Variants in ENPP2 observed in about 807,000 individuals in gnomAD.
ENPP2 encodes ectonucleotide pyrophosphatase/phosphodiesterase 2.
Under a neutral mutation model 120.2 loss-of-function variants are expected in ENPP2, and 51 were observed. That is an observed-to-expected ratio of 0.42 (90% CI 0.34 to 0.54). The LOEUF (loss-of-function observed/expected upper bound fraction) is 0.54. ENPP2 is among the 20% of genes least tolerant of loss of function. ENPP2 has a pLI of 0.04. For synonymous variants in ENPP2, 365 were observed against 366.4 expected (o/e 1.00, Z 0.04); for missense variants, 920 against 1,066.5 (o/e 0.86, Z 1.91).
intron 3 of ENPP2, among the ~76,000 whole-genome samples, chr8:119,625,927 C>A (rs1363254139): frequency 2.0e-5 from 3 of 152,132 alleles, no homozygotes. Context: ...GCGTGAGACT[C>A]CAAACAGAAT....
intron 1 of ENPP2, among the ~76,000 whole-genome samples, chr8:119,652,527 T>C (rs1817655706): frequency 7.0e-6 from 1 of 142,052 alleles, no homozygotes; most frequent in Admixed American, 6.7e-5. Context: ...ATTGTCATTA[T>C]GCACATGAGA....
At position 119,656,144 on chromosome 8, in the gene ENPP2, TA is replaced by T. The variant is rs147780206; in HGVS notation, c.21+17107del. On this transcript the variant is annotated intron_variant, in intron 1 of 25. Transcript: ENST00000427067. ...ACTTGTAGCCTATGGCCTCATGTAA[TA>T]AAATATTTTGCAAAAGATGATGTTT... Among the ~76,000 whole-genome samples, 1,039 of 152,332 alleles carry T rather than the reference TA, an allele frequency of 6.8e-3. 7 individuals carry two copies. Among genetic ancestry groups the T allele is most frequent in the African/African-American group, 0.024 (1,005 of 41,572 alleles).
At chr8:119,671,073 G>C (rs565449917) in intron 1 of ENPP2, among the ~76,000 whole-genome samples, 2 of 150,416 alleles carry the variant, frequency 1.3e-5, no homozygotes, top group East Asian at 3.9e-4. Flanking sequence ...GATCACTTGA[G>C]GTCAAGAGTT....
At chr8:119,622,633 G>A (rs997499192) in intron 3 of ENPP2, among the ~76,000 whole-genome samples, 3 of 152,218 alleles carry the variant, frequency 2.0e-5, no homozygotes, top group Non-Finnish European at 4.4e-5. Context: ...GTGGCAGACT[G>A]TAAGCCTGGG....
At chr8:119,671,747 C>A (rs1319075722) in intron 1 of ENPP2, among the ~76,000 whole-genome samples, 1 of 152,092 alleles carries the variant, frequency 6.6e-6, no homozygotes, top group African/African-American at 2.4e-5. Context: ...TTGGGAGACA[C>A]CATGTATATG....
chr8:119,638,358 C>T (rs1260634431), intron 2 of ENPP2, 67 bp downstream of exon 2: 4 of 809,788 alleles, frequency 4.9e-6, no homozygotes, highest in South Asian at 2.9e-5. Context: ...TTTTAATAAG[C>T]TTACATTGAT....
intron 13 of ENPP2, among the ~76,000 whole-genome samples, chr8:119,588,528 C>CA (rs58771451): frequency 0.011 from 775 of 67,660 alleles, 1 homozygote; most frequent in African/African-American, 0.014. Flanking sequence ...AACTCCGCCT[C>CA]AAAAAAAAAA....
chr8:119,582,675 C>T, intron 17 of ENPP2, 73 bp from the exon 18 acceptor site: 2 of 1,088,414 alleles, frequency 1.8e-6, no homozygotes, highest in Non-Finnish European at 2.8e-6. Flanking sequence ...ATTTAAAACC[C>T]TTCACCTTCT....
intron 1 of ENPP2, among the ~76,000 whole-genome samples, chr8:119,655,465 T>A (rs1278076696): frequency 1.3e-5 from 2 of 152,226 alleles, no homozygotes; most frequent in Non-Finnish European, 2.9e-5. Context: ...TTGTTTAGAA[T>A]CATGACTTGG....
chr8:119,602,451 C>G (rs942254192), intron 9 of ENPP2, among the ~76,000 whole-genome samples: 1 of 111,344 alleles, frequency 9.0e-6, no homozygotes, highest in Non-Finnish European at 1.7e-5. Flanking sequence ...GAGTGAAACT[C>G]TGTCTCAAAA....
intron 19 of ENPP2, among the ~76,000 whole-genome samples, chr8:119,579,685 A>G (rs941102110): frequency 1.3e-5 from 2 of 151,662 alleles, no homozygotes; most frequent in African/African-American, 2.4e-5. Context: ...GGGAGTTCTG[A>G]TTTGATTCCT....
intron 1 of ENPP2, among the ~76,000 whole-genome samples, chr8:119,668,141 T>C (rs1818128852): frequency 6.6e-6 from 1 of 152,190 alleles, no homozygotes; most frequent in South Asian, 2.1e-4. Context: ...AAAGCAAGTA[T>C]AATATTGAAT....
chr8:119,620,020 C>T (rs1815773487), intron 4 of ENPP2, among the ~76,000 whole-genome samples: 1 of 152,154 alleles, frequency 6.6e-6, no homozygotes, highest in Non-Finnish European at 1.5e-5. Context: ...GTAACCAACA[C>T]ATTGGAGAAA....
chr8:119,623,245 C>T lies in ENPP2; in HGVS notation c.293-1726G>A, dbSNP rs375561315. Among the ~76,000 whole-genome samples, 34 of 152,116 alleles carry T rather than the reference C, an allele frequency of 2.2e-4. 1 individual carries two copies. The highest frequency in any genetic ancestry group is 7.2e-4 in the African/African-American group (30 of 41,518). Reference sequence around the variant, plus strand: ...CTTTGGGAGGCCGAGGCAGGTGGATCGTGAGGTCAGGAGTTCGAGACCAGC... The same window carrying T: ...CTTTGGGAGGCCGAGGCAGGTGGATTGTGAGGTCAGGAGTTCGAGACCAGC... On this transcript the variant is annotated intron_variant, in intron 3 of 24. Transcript: ENST00000075322.
Position 119,587,025 on chromosome 8 carries a change from G to A in ENPP2, c.1239+19C>T. 1.2e-6 allele frequency: 2 copies of A among 1,607,412 alleles called. No individual in the cohort carries two copies. The highest frequency in any genetic ancestry group is 1.1e-5 in the South Asian group (1 of 89,210). On this transcript the variant is annotated intron_variant, in intron 14 of 24. Coordinates refer to ENST00000075322, the MANE Select transcript of ENPP2 (RefSeq NM_001040092.3). ...AGAGGCCTGGGCAGGGCAGAGGCGG[G>A]ACAACTGGAAACACTTACCGTGAGA...
In ENPP2 at chr8:119,613,941, G is replaced by A. The variant is rs541726495; in HGVS notation, c.777+2324C>T. 2.6e-5 allele frequency among the ~76,000 whole-genome samples: 4 copies of A among 151,176 alleles called. No homozygotes were observed. In the East Asian group the frequency reaches 5.8e-4, roughly 22 times the overall value. On this transcript the variant is annotated intron_variant, in intron 8 of 24. Transcript: ENST00000075322. ...TGTTATTTGCTATAGTCACCCTACTGTATAATAGAACACCCTACTGTATAA... is the reference window on the plus strand; with the variant it reads ...TGTTATTTGCTATAGTCACCCTACTATATAATAGAACACCCTACTGTATAA...
chr8:119,664,547 T>C (rs755441656), intron 1 of ENPP2, among the ~76,000 whole-genome samples: 2 of 152,230 alleles, frequency 1.3e-5, no homozygotes, highest in African/African-American at 4.8e-5. Flanking sequence ...GAAATAATGT[T>C]GTACTGAGTG....
chr8:119,579,750 C>T (rs896726048), intron 19 of ENPP2, among the ~76,000 whole-genome samples: 4 of 152,006 alleles, frequency 2.6e-5, no homozygotes, highest in Admixed American at 6.6e-5. Context: ...CACTGACTCT[C>T]GAGGTAGATA....
At chr8:119,612,014 G>GC (rs1815146541) in intron 8 of ENPP2, among the ~76,000 whole-genome samples, 1 of 151,848 alleles carries the variant, frequency 6.6e-6, no homozygotes, top group South Asian at 2.1e-4. Context: ...GGGCGACAGA[G>GC]CAAAACTCTG....
Sources: allele counts gnomAD v4.1 joint callset (sites outside exome capture counted in the v4.1 genomes callset), GRCh38; gene constraint gnomAD v4.1.1; transcripts MANE v1.5; gene names NCBI Gene and HGNC (gene_info 2026-07-23, HGNC 2026-07-21).